Variants in FARP1 observed in about 807,000 individuals in gnomAD.
The protein encoded by FARP1 is FERM, ARHGEF and pleckstrin domain-containing protein 1.
A neutral mutation model predicts 128.8 loss-of-function variants in FARP1; 52 were observed. The observed-to-expected ratio is 0.40, with a 90% CI of 0.32 to 0.51. The LOEUF is 0.51. Among genes scored for constraint, FARP1 ranks in the 20% least tolerant of loss-of-function variants. The pLI is 0.45. For missense variants in FARP1, 1,333 were observed against 1,367.9 expected, an observed-to-expected ratio of 0.97 and a Z score of 0.40; for synonymous variants, 580 against 551.8, an observed-to-expected ratio of 1.05 and a Z score of -0.72.
intron 2 of FARP1, among the ~76,000 whole-genome samples, chr13:98,252,795 T>C (rs1337422653): frequency 1.3e-5 from 2 of 152,246 alleles, no homozygotes; most frequent in African/African-American, 4.8e-5. Flanking sequence ...TTATCTATTA[T>C]CCTGCTCTAA....
rs1566659486 is a variant in FARP1, at chr13:98,145,211, G to C, written c.-24+1719G>C. Among the ~76,000 whole-genome samples the C allele has an allele frequency of 2.6e-5, 4 of 152,152 alleles. No homozygotes were observed. The South Asian group carries it at 6.2e-4, about 24-fold the overall frequency. On this transcript the variant is annotated intron_variant, in intron 1 of 26. Coordinates refer to ENST00000319562, the MANE Select transcript of FARP1 (RefSeq NM_005766.4). ...TTTCTTTTATGTGAATGGGAAACTGGAAACCCTCGGTGTGGAGGTGGCTGT... is the reference window on the plus strand; with the variant it reads ...TTTCTTTTATGTGAATGGGAAACTGCAAACCCTCGGTGTGGAGGTGGCTGT...
intron 3 of FARP1, among the ~76,000 whole-genome samples, chr13:98,352,484 G>T (rs1289437748): frequency 1.3e-5 from 2 of 152,152 alleles, no homozygotes; most frequent in African/African-American, 4.8e-5. Flanking sequence ...TGACAGAGAA[G>T]GGGAGGGCAA....
chr13:98,439,506 G>A (rs532565411), intron 21 of FARP1, among the ~76,000 whole-genome samples: 2 of 152,280 alleles, frequency 1.3e-5, no homozygotes, highest in African/African-American at 4.8e-5. Flanking sequence ...CGCGTGGCAT[G>A]AACTCGCCTC....
At chr13:98,439,868 C>T (rs1389362265) in intron 21 of FARP1, 93 bp from the exon 22 acceptor site, 2 of 899,434 alleles carry the variant, frequency 2.2e-6, no homozygotes, top group African/African-American at 1.7e-5. Context: ...CTCAGGGGCA[C>T]CCCTCCTTTT....
intron 2 of FARP1, among the ~76,000 whole-genome samples, chr13:98,316,445 C>G (rs766857801): frequency 8.5e-5 from 13 of 152,132 alleles, no homozygotes; most frequent in Non-Finnish European, 1.5e-4. Context: ...AGAACTTGTT[C>G]CAGGTCACAC....
chr13:98,340,092 T>A (rs544694644), intron 2 of FARP1, among the ~76,000 whole-genome samples: 3 of 151,756 alleles, frequency 2.0e-5, no homozygotes, highest in Non-Finnish European at 4.4e-5. Context: ...TTTTTTTTTT[T>A]AACTTTTTGA....
rs1189101332 is a variant in FARP1 at position 98,308,661 on chromosome 13, AATTTT to A, written c.172-35095_172-35091del. On this transcript the variant is annotated intron_variant, in intron 2 of 26. Coordinates refer to ENST00000319562, the MANE Select transcript of FARP1 (RefSeq NM_005766.4). ...TTTATCTTGAAGTTTTAATATGTGT[AATTTT>A]ATTTTTTGTTTGTTTGTTTTGAGAT... Among the ~76,000 whole-genome samples the A allele has an allele frequency of 6.6e-5, 10 of 152,258 alleles. 1 individual carries two copies. The South Asian group carries it at 2.1e-3, about 32-fold the overall frequency.
rs888789542 is a variant in FARP1, at chr13:98,395,698, T to A, written c.1414+222T>A. On this transcript the variant is annotated intron_variant, in intron 13 of 26. Transcript: ENST00000319562. ...GCGAAGAGAGGCTGGGCGTAGGGCT[T>A]CCCCGCACTCTGCGAAGTCCTCCCG... 2.8e-5 allele frequency: 14 copies of A among 494,564 alleles called. No homozygotes were observed. In the Admixed American group the frequency reaches 5.0e-4, roughly 18 times the overall value. The allele number at this position is 494,564 out of a possible 1,614,324, so 30.6% of individuals were successfully genotyped here. A position where few individuals can be genotyped will look rare whatever the true frequency, so the allele number is the denominator to read the frequency against.
chr13:98,218,546 G>A (rs1172653430), intron 2 of FARP1, among the ~76,000 whole-genome samples: 5 of 152,200 alleles, frequency 3.3e-5, no homozygotes, highest in African/African-American at 1.2e-4. Context: ...TGAGGAAAGA[G>A]GTTTTTAATC....
At chr13:98,340,872 G>C (rs542257572) in intron 2 of FARP1, 1 of 152,288 alleles carries the variant, frequency 6.6e-6, no homozygotes, top group South Asian at 2.1e-4. Context: ...GTAGCAAAGT[G>C]GTGAAGATAA....
intron 2 of FARP1, among the ~76,000 whole-genome samples, chr13:98,286,588 A>G (rs1370252615): frequency 1.3e-5 from 2 of 152,204 alleles, no homozygotes; most frequent in Non-Finnish European, 2.9e-5. Context: ...AGGCCTCCCC[A>G]GCCATGTGGA....
At chr13:98,154,583 AATAAG>A (rs915852860) in intron 1 of FARP1, among the ~76,000 whole-genome samples, 1 of 152,120 alleles carries the variant, frequency 6.6e-6, no homozygotes, top group African/African-American at 2.4e-5. Context: ...AGCGGGAATA[AATAAG>A]ATGTCAGTCC....
At chr13:98,165,710 G>GTTTTTTTTTTTTTTTTTTTTTT (rs71111927) in intron 1 of FARP1, among the ~76,000 whole-genome samples, 2 of 74,120 alleles carry the variant, frequency 2.7e-5, no homozygotes, top group Non-Finnish European at 4.7e-5. Flanking sequence ...TCCAGAAGGG[G>GTTTTTTTTTTTTTTTTTTTTTT]TTTTTTTTTT....
rs537761802 is a variant in FARP1 at position 98,391,432 on chromosome 13, C to A, written c.1088+552C>A. Among the ~76,000 whole-genome samples, 3 of 152,242 alleles carry A rather than the reference C, an allele frequency of 2.0e-5. 1 individual carries two copies. The South Asian group carries it at 6.2e-4, about 32-fold the overall frequency. On this transcript the variant is annotated intron_variant, in intron 11 of 26. Transcript: ENST00000319562. ...TAGCTGGGACCACAGGTGCCCACCACCACTCCCAGCTAAATTTTTGTAGAG... is the reference window on the plus strand; with the variant it reads ...TAGCTGGGACCACAGGTGCCCACCAACACTCCCAGCTAAATTTTTGTAGAG...
chr13:98,305,312 G>A (rs965302656), intron 2 of FARP1, among the ~76,000 whole-genome samples: 8 of 148,420 alleles, frequency 5.4e-5, no homozygotes, highest in African/African-American at 9.9e-5. Flanking sequence ...ATGCCATGAC[G>A]TATCTCTGAG....
chr13:98,263,983 A>G (rs933144194), intron 2 of FARP1, among the ~76,000 whole-genome samples: 1 of 152,220 alleles, frequency 6.6e-6, no homozygotes, highest in Admixed American at 6.5e-5. Flanking sequence ...GGCCTTGCAC[A>G]AATCACCTTC....
At chr13:98,334,013 G>T (rs1214542073) in intron 2 of FARP1, 1 of 152,134 alleles carries the variant, frequency 6.6e-6, no homozygotes, top group Non-Finnish European at 1.5e-5. Flanking sequence ...GCCTAGTCTG[G>T]ATGCCGTTCT....
chr13:98,446,598 GGCA>G (rs1892850514), intron 25 of FARP1, 65 bp from the exon 26 acceptor site: 1 of 1,532,474 alleles, frequency 6.5e-7, no homozygotes, highest in Non-Finnish European at 9.0e-7. Context: ...TCTGATGCGG[GGCA>G]GCAGCCAGGC....
rs1226853086 is a variant in FARP1 at position 98,222,270 on chromosome 13, G to T, written c.171+8857G>T. ...GGTTTCACAAATGTGTATCAACATG[G>T]AAGGCAAGGTGCTACTGGTGATAAG... On this transcript the variant is annotated intron_variant, in intron 2 of 26. Transcript: ENST00000319562. Among the ~76,000 whole-genome samples the T allele has an allele frequency of 2.0e-5, 3 of 152,192 alleles. No homozygotes were observed. The East Asian group carries it at 5.8e-4, about 29-fold the overall frequency.
Sources: allele counts gnomAD v4.1 joint callset (sites outside exome capture counted in the v4.1 genomes callset), GRCh38; gene constraint gnomAD v4.1.1; transcripts MANE v1.5; gene names NCBI Gene and HGNC (gene_info 2026-07-23, HGNC 2026-07-21).